The following ARFIP1 variants were observed in gnomAD, a reference collection of about 807,000 sequenced individuals.
ARFIP1 encodes the protein arfaptin-1.
A neutral mutation model predicts 42.5 loss-of-function variants in ARFIP1; 24 were observed. The ratio of observed to expected loss-of-function variants is 0.57; its 90% CI spans 0.41 to 0.80. ARFIP1 has a LOEUF of 0.80. Among genes scored for constraint, ARFIP1 ranks in the 30% least tolerant of loss-of-function variants. The pLI, the probability that ARFIP1 is intolerant of heterozygous loss-of-function variation, is 0.00. For missense variants in ARFIP1, 354 were observed against 434.0 expected (o/e 0.82, Z 1.64); for synonymous variants, 141 against 153.7 (o/e 0.92, Z 0.61).
intron 8 of ARFIP1, among the ~76,000 whole-genome samples, chr4:152,894,218 AAAAAG>A (rs1242647317): frequency 6.6e-6 from 1 of 151,872 alleles, no homozygotes; most frequent in Non-Finnish European, 1.5e-5. Flanking sequence ...AAAAAAAAAA[AAAAAG>A]AAAGAAAAAA....
intron 8 of ARFIP1, among the ~76,000 whole-genome samples, chr4:152,903,461 TTTA>T (rs1738017174): frequency 6.6e-6 from 1 of 152,108 alleles, no homozygotes; most frequent in South Asian, 2.1e-4. Flanking sequence ...AGGATTAAAT[TTTA>T]TACTTCATTT....
intron 5 of ARFIP1, among the ~76,000 whole-genome samples, chr4:152,877,900 C>T (rs781554668): frequency 1.5e-4 from 23 of 152,314 alleles, no homozygotes; most frequent in Admixed American, 8.5e-4. Context: ...CGCTATGATT[C>T]TGAGGCCTCC....
intron 1 of ARFIP1, among the ~76,000 whole-genome samples, chr4:152,797,950 G>A (rs1188842536): frequency 6.6e-6 from 1 of 152,088 alleles, no homozygotes; most frequent in Non-Finnish European, 1.5e-5. Flanking sequence ...AATACCGCTG[G>A]TATGATGTTG....
At chr4:152,898,911 A>G (rs916055222) in intron 8 of ARFIP1, among the ~76,000 whole-genome samples, 2 of 152,172 alleles carry the variant, frequency 1.3e-5, no homozygotes, top group African/African-American at 4.8e-5. Flanking sequence ...AAGAAGAGTA[A>G]TTGTTTTGTC....
chr4:152,792,674 G>T (rs1286587772), intron 1 of ARFIP1, among the ~76,000 whole-genome samples: 2 of 152,100 alleles, frequency 1.3e-5, no homozygotes, highest in Admixed American at 6.5e-5. Context: ...AATACCTCCT[G>T]CCCTCTCTTT....
intron 2 of ARFIP1, among the ~76,000 whole-genome samples, chr4:152,847,457 G>T (rs1311282063): frequency 6.6e-6 from 1 of 151,920 alleles, no homozygotes; most frequent in African/African-American, 2.4e-5. Flanking sequence ...AGATGGGGCA[G>T]CAACAGCCAG....
chr4:152,817,157 C>T (rs755853120), intron 1 of ARFIP1, among the ~76,000 whole-genome samples: 2 of 152,072 alleles, frequency 1.3e-5, no homozygotes, highest in Non-Finnish European at 2.9e-5. Context: ...AACATAATAG[C>T]GTAATTTGAA....
intron 8 of ARFIP1, among the ~76,000 whole-genome samples, chr4:152,899,922 C>CA (rs1170501829): frequency 6.6e-6 from 1 of 152,132 alleles, no homozygotes; most frequent in East Asian, 1.9e-4. Flanking sequence ...GTAGTTTGTT[C>CA]AAAGTCTCAC....
chr4:152,861,671 A>T (rs543302260), intron 2 of ARFIP1, among the ~76,000 whole-genome samples: 1 of 152,310 alleles, frequency 6.6e-6, no homozygotes, highest in South Asian at 2.1e-4. Flanking sequence ...ATTGTTTAAG[A>T]TTAAATCTTC....
chr4:152,899,472 A>G (rs367608700), intron 8 of ARFIP1, among the ~76,000 whole-genome samples: 27 of 152,196 alleles, frequency 1.8e-4, no homozygotes, highest in African/African-American at 6.5e-4. Context: ...TTTTTGAGAT[A>G]ACTTTATATC....
chr4:152,825,540 TA>T (rs1249272413), intron 1 of ARFIP1, among the ~76,000 whole-genome samples: 1 of 152,070 alleles, frequency 6.6e-6, no homozygotes, highest in Non-Finnish European at 1.5e-5. Flanking sequence ...ATACAAAAAT[TA>T]ACTCAAGATG....
intron 1 of ARFIP1, among the ~76,000 whole-genome samples, chr4:152,789,810 T>C (rs1731045100): frequency 6.6e-6 from 1 of 152,234 alleles, no homozygotes; most frequent in Non-Finnish European, 1.5e-5. Context: ...CTCCTGTCAT[T>C]GTGAGACTTT....
intron 1 of ARFIP1, among the ~76,000 whole-genome samples, chr4:152,798,685 T>G (rs536160674): frequency 8.5e-5 from 13 of 152,304 alleles, no homozygotes; most frequent in Admixed American, 2.6e-4. Context: ...TTTGTTTCTT[T>G]GCATTATTGT....
intron 7 of ARFIP1, chr4:152,883,338 A>C (rs909431213): frequency 6.5e-6 from 1 of 152,940 alleles, no homozygotes; most frequent in Non-Finnish European, 1.5e-5. Flanking sequence ...ATGGTCCTCT[A>C]TACTCTCGCC....
At chr4:152,803,903 A>C (rs1728621185) in intron 1 of ARFIP1, among the ~76,000 whole-genome samples, 1 of 149,536 alleles carries the variant, frequency 6.7e-6, no homozygotes, top group Non-Finnish European at 1.5e-5. Context: ...ACAACAGTAC[A>C]AGTTGTCAAC....
chr4:152,781,032 A>G (rs1730455801), intron 1 of ARFIP1, among the ~76,000 whole-genome samples: 1 of 152,090 alleles, frequency 6.6e-6, no homozygotes, highest in South Asian at 2.1e-4. Flanking sequence ...TATAAAATTC[A>G]TCTAACTACA....
At chr4:152,908,113 C>T (rs2149916887) in intron 8 of ARFIP1, among the ~76,000 whole-genome samples, 1 of 152,276 alleles carries the variant, frequency 6.6e-6, no homozygotes, top group Non-Finnish European at 1.5e-5. Context: ...TAGATATCTT[C>T]TCAGTTGTAA....
chr4:152,889,056 G>GT (rs1220487468), intron 8 of ARFIP1, among the ~76,000 whole-genome samples: 2 of 152,102 alleles, frequency 1.3e-5, no homozygotes, highest in African/African-American at 4.8e-5. Context: ...CACGTTGGTA[G>GT]TTTTTTCTGT....
At chr4:152,865,213 C>T (rs1459736677) in intron 3 of ARFIP1, among the ~76,000 whole-genome samples, 4 of 151,976 alleles carry the variant, frequency 2.6e-5, no homozygotes, top group African/African-American at 9.7e-5. Flanking sequence ...TCTTGGCTCA[C>T]TGCAACCTCT....
Sources: gnomAD v4.1 joint callset for allele counts (sites outside exome capture counted in the v4.1 genomes callset) on GRCh38, gnomAD v4.1.1 for gene constraint, MANE v1.5 for transcripts, NCBI Gene and HGNC (gene_info 2026-07-23, HGNC 2026-07-21) for gene names.